Variants in DGKB observed in about 807,000 individuals in gnomAD.
The protein encoded by DGKB is diacylglycerol kinase beta.
A neutral mutation model predicts 114.3 loss-of-function variants in DGKB; 67 were observed. That is an observed-to-expected ratio of 0.59 (90% confidence interval 0.48 to 0.72). The LOEUF is 0.72. DGKB is among the 30% of genes least tolerant of loss of function. DGKB has a pLI of 0.00. For missense variants in DGKB, 907 were observed against 975.2 expected, an observed-to-expected ratio of 0.93 and a Z score of 0.93; for synonymous variants, 398 against 323.1, an observed-to-expected ratio of 1.23 and a Z score of -2.49.
intron 4 of DGKB, among the ~76,000 whole-genome samples, chr7:14,743,877 AG>A (rs1300158971): frequency 2.6e-5 from 4 of 152,144 alleles, no homozygotes; most frequent in Non-Finnish European, 1.5e-5. Context: ...CAGCTATAAA[AG>A]TTTGATGGGT....
chr7:14,874,957 A>C (rs183369), intron 1 of DGKB, among the ~76,000 whole-genome samples: 18,471 of 152,096 alleles, frequency 0.12, 1,578 homozygotes, highest in Non-Finnish European at 0.19. Context: ...CGGGGAAGTA[A>C]AAAAGAATTA....
At chr7:14,387,506 G>C (rs894018245) in intron 21 of DGKB, among the ~76,000 whole-genome samples, 3 of 151,790 alleles carry the variant, frequency 2.0e-5, no homozygotes, top group Non-Finnish European at 4.4e-5. Flanking sequence ...TCAATTTCCT[G>C]GGCTAAAGCA....
chr7:14,801,693 G>A (rs1842164414), intron 2 of DGKB, among the ~76,000 whole-genome samples: 1 of 151,826 alleles, frequency 6.6e-6, no homozygotes, highest in Admixed American at 6.6e-5. Flanking sequence ...ATTTTGAACT[G>A]GATCTGAATT....
intron 5 of DGKB, among the ~76,000 whole-genome samples, chr7:14,732,632 C>T (rs1447921500): frequency 6.6e-6 from 1 of 152,072 alleles, no homozygotes; most frequent in East Asian, 1.9e-4. Flanking sequence ...GGAGGCCAAG[C>T]TTTGAAAAGG....
intron 21 of DGKB, among the ~76,000 whole-genome samples, chr7:14,406,593 CT>C (rs1464322511): frequency 6.6e-6 from 1 of 151,864 alleles, no homozygotes; most frequent in African/African-American, 2.4e-5. Flanking sequence ...ATTGGTGATC[CT>C]TGTTTCTATT....
intron 13 of DGKB, among the ~76,000 whole-genome samples, chr7:14,662,918 A>C (rs1817416172): frequency 1.3e-5 from 2 of 151,978 alleles, no homozygotes; most frequent in Non-Finnish European, 2.9e-5. Context: ...ATAAAATGTT[A>C]AAATTCACTT....
At chr7:14,866,394 A>G (rs1851720498) in intron 1 of DGKB, among the ~76,000 whole-genome samples, 1 of 152,086 alleles carries the variant, frequency 6.6e-6, no homozygotes, top group African/African-American at 2.4e-5. Flanking sequence ...TTATTGTTCT[A>G]CTTATTTATC....
At position 14,689,210 on chromosome 7, in the gene DGKB, T is replaced by A. The variant is rs892999906; in HGVS notation, c.712-3848A>T. 1.8e-3 allele frequency among the ~76,000 whole-genome samples: 230 copies of A among 127,446 alleles called. 3 individuals are homozygous for A. The highest frequency in any genetic ancestry group is 5.9e-3 in the African/African-American group (220 of 37,258). The allele number at this position is 127,446 out of a possible 152,430, so 83.6% of individuals were successfully genotyped here. On this transcript the variant is annotated intron_variant, in intron 9 of 25. Transcript: ENST00000402815. ...CAGAAACTCCTCTTATTTTTTTTTT[T>A]TTTTTTTTTTTTTTGAGAGGAGTCT...
chr7:14,339,934 T>C (rs13242229), intron 22 of DGKB, among the ~76,000 whole-genome samples: 38,287 of 151,542 alleles, frequency 0.25, 5,426 homozygotes, highest in South Asian at 0.38. Flanking sequence ...TCCATGAAAA[T>C]GATGAAAAAC....
Position 14,384,741 on chromosome 7 carries a change from G to A in DGKB, c.1836-39350C>T, listed in dbSNP as rs530727952. ...CAACTGGGGTCAATTGTGTCTGCCA[G>A]AGACATCTGGTAATATGTAGAGACC... is the stretch of plus-strand genomic sequence containing the variant. On this transcript the variant is annotated intron_variant, in intron 21 of 25. Coordinates refer to ENST00000402815, the MANE Select transcript of DGKB (RefSeq NM_001350709.2). 2.0e-5 allele frequency among the ~76,000 whole-genome samples: 3 copies of A among 152,312 alleles called. No individual in the cohort carries two copies. In the East Asian group the frequency reaches 5.8e-4, roughly 29 times the overall value.
intron 20 of DGKB, among the ~76,000 whole-genome samples, chr7:14,503,553 T>C (rs1007805219): frequency 6.6e-6 from 1 of 152,190 alleles, no homozygotes; most frequent in African/African-American, 2.4e-5. Context: ...GATTCTTATC[T>C]TTTTATGGAA....
At chr7:14,183,027 G>A (rs945254924) in intron 23 of DGKB, among the ~76,000 whole-genome samples, 1 of 152,126 alleles carries the variant, frequency 6.6e-6, no homozygotes, top group Non-Finnish European at 1.5e-5. Context: ...GGAGCATTTT[G>A]AAATCAACAT....
At position 14,277,401 on chromosome 7, in the gene DGKB, G is replaced by T. The variant is rs577987184; in HGVS notation, c.2122+61114C>A. On this transcript the variant is annotated intron_variant, in intron 23 of 25. Transcript: ENST00000402815. ...TTGGCCAGGCTGGTCTCGAACGCCT[G>T]GCCACAAGCCATCCACCCACCTTGG... Among the ~76,000 whole-genome samples, 73 of 152,158 alleles carry T rather than the reference G, an allele frequency of 4.8e-4. No individual in the cohort carries two copies. The South Asian group carries it at 6.4e-3, about 13-fold the overall frequency.
rs76381344 is a variant in DGKB at position 14,763,690 on chromosome 7, T to C, written c.71-5959A>G. ...GATTCAAACTCCTATACAGTAAATA[T>C]ATTTTAAAGATCAAGGCCAATAATT... On this transcript the variant is annotated intron_variant, in intron 2 of 25. Coordinates refer to ENST00000402815, the MANE Select transcript of DGKB (RefSeq NM_001350709.2). Among the ~76,000 whole-genome samples the C allele has an allele frequency of 2.7e-3, 410 of 152,202 alleles. 1 individual carries two copies. The highest frequency in any genetic ancestry group is 9.5e-3 in the African/African-American group (394 of 41,564).
chr7:14,570,815 A>T (rs755413789), intron 20 of DGKB, among the ~76,000 whole-genome samples: 11 of 152,040 alleles, frequency 7.2e-5, no homozygotes, highest in Non-Finnish European at 1.5e-4. Flanking sequence ...TACACTGGGT[A>T]TAACTTTTAT....
intron 1 of DGKB, among the ~76,000 whole-genome samples, chr7:14,909,380 T>C (rs1191667063): frequency 2.6e-5 from 4 of 152,228 alleles, no homozygotes; most frequent in African/African-American, 4.8e-5. Flanking sequence ...CATTCTTATA[T>C]GCTTTTAATA....
At chr7:14,257,925 A>AC (rs1796182910) in intron 23 of DGKB, among the ~76,000 whole-genome samples, 2 of 151,992 alleles carry the variant, frequency 1.3e-5, no homozygotes, top group African/African-American at 4.8e-5. Flanking sequence ...ATGGGGTTTC[A>AC]CCATGTTGGC....
intron 23 of DGKB, among the ~76,000 whole-genome samples, chr7:14,333,446 G>A (rs959794102): frequency 1.4e-5 from 2 of 138,968 alleles, no homozygotes; most frequent in Non-Finnish European, 3.1e-5. Flanking sequence ...GGGCAACAGA[G>A]TGAGACTCCG....
chr7:14,704,459 A>G (rs983771607), intron 6 of DGKB, among the ~76,000 whole-genome samples: 5 of 144,372 alleles, frequency 3.5e-5, no homozygotes, highest in African/African-American at 8.7e-5. Flanking sequence ...AAAAAAAAAA[A>G]AAAAAGAAAA....
Sources: allele counts gnomAD v4.1 joint callset (sites outside exome capture counted in the v4.1 genomes callset), GRCh38; gene constraint gnomAD v4.1.1; transcripts MANE v1.5; gene names NCBI Gene and HGNC (gene_info 2026-07-23, HGNC 2026-07-21).